The following TCF4 variants were observed in gnomAD, a reference collection of about 807,000 sequenced individuals.
TCF4 encodes SL3-3 enhancer factor 2.
In TCF4, 3 loss-of-function variants were observed where a neutral mutation model predicts 82.1. That is an observed-to-expected ratio of 0.04 (90% CI 0.02 to 0.09). TCF4 has a LOEUF of 0.09. Ranked by LOEUF, TCF4 falls within the 10% of genes least tolerant of loss-of-function variation. TCF4 has a pLI of 1.00. For missense variants in TCF4, 518 were observed against 852.7 expected (o/e 0.61, Z 4.89); for synonymous variants, 276 against 309.6 (o/e 0.89, Z 1.14).
intron 5 of TCF4, chr18:55,403,765 G>A: frequency 6.5e-7 from 1 of 1,532,360 alleles, no homozygotes; most frequent in Non-Finnish European, 8.7e-7. Flanking sequence ...TCATTCCAAT[G>A]GCCTCCACTT....
chr18:55,443,079 G>A (rs1011819744), intron 5 of TCF4, among the ~76,000 whole-genome samples: 7 of 152,210 alleles, frequency 4.6e-5, no homozygotes, highest in Admixed American at 4.6e-4. Flanking sequence ...CCATTGTGAC[G>A]TTTACTATAA....
At chr18:55,509,544 A>G (rs929108922) in intron 3 of TCF4, among the ~76,000 whole-genome samples, 2 of 152,224 alleles carry the variant, frequency 1.3e-5, no homozygotes, top group East Asian at 3.9e-4. Context: ...TGGACTGTTG[A>G]AAGAATGATC....
chr18:55,468,984 T>A, intron 3 of TCF4, among the ~76,000 whole-genome samples: 1 of 150,784 alleles, frequency 6.6e-6, no homozygotes, highest in Middle Eastern at 3.5e-3. Context: ...AAGTAGATGA[T>A]AGAAATTCCT....
intron 5 of TCF4, among the ~76,000 whole-genome samples, chr18:55,411,878 T>A (rs1048193646): frequency 1.3e-5 from 2 of 152,214 alleles, no homozygotes; most frequent in South Asian, 4.1e-4. Flanking sequence ...GTAGCTGGGA[T>A]TACACGCATG....
chr18:55,498,205 G>C (rs1568233099), intron 3 of TCF4, among the ~76,000 whole-genome samples: 1 of 152,174 alleles, frequency 6.6e-6, no homozygotes, highest in Non-Finnish European at 1.5e-5. Context: ...GCCAGGGCTG[G>C]GTCCGGGGTT....
chr18:55,623,285 T>G, intron 2 of TCF4, among the ~76,000 whole-genome samples: 1 of 152,180 alleles, frequency 6.6e-6, no homozygotes, highest in East Asian at 1.9e-4. Context: ...ATTAACACTA[T>G]TAGTTATTTA....
At chr18:55,271,987 CA>C (rs1178224264) in intron 10 of TCF4, among the ~76,000 whole-genome samples, 3 of 151,312 alleles carry the variant, frequency 2.0e-5, no homozygotes, top group East Asian at 1.9e-4. Context: ...GTGCAAAAAT[CA>C]AAAAAAGAGG....
chr18:55,242,872 T>G (rs2051752315), intron 15 of TCF4, among the ~76,000 whole-genome samples: 1 of 152,124 alleles, frequency 6.6e-6, no homozygotes, highest in African/African-American at 2.4e-5. Context: ...CTTCCCAAAG[T>G]GCTGGGATTA....
chr18:55,252,867 A>C lies in TCF4; in HGVS notation c.1350+1630T>G, dbSNP rs920535329. Among the ~76,000 whole-genome samples the C allele has an allele frequency of 2.0e-5, 3 of 151,764 alleles. No homozygotes were observed. In the South Asian group the frequency reaches 6.3e-4, roughly 32 times the overall value. The stretch of plus-strand genomic sequence containing the variant: ...CAGTATGTTTAAACATTGTAGTTAG[A>C]AAAAAAAGAGCTGTACAAACGAAAA... On this transcript the variant is annotated intron_variant, in intron 15 of 19. Transcript: ENST00000354452.
intron 10 of TCF4, among the ~76,000 whole-genome samples, chr18:55,271,764 T>C (rs1227069389): frequency 6.6e-6 from 1 of 152,042 alleles, no homozygotes; most frequent in Non-Finnish European, 1.5e-5. Context: ...AAAAATATAG[T>C]GGGCCCATTC....
In TCF4 at chr18:55,519,877, C is replaced by T. The variant is rs535237002; in HGVS notation, c.146-55740G>A. ...AGTACTCCATAAAAAATATAAAGTA[C>T]GAACTGTGGTTGCTAAATGATTCTA... On this transcript the variant is annotated intron_variant, in intron 3 of 19. Coordinates refer to ENST00000354452, the MANE Select transcript of TCF4 (RefSeq NM_001083962.2). Among the ~76,000 whole-genome samples, 7 of 152,210 alleles carry T rather than the reference C, an allele frequency of 4.6e-5. No individual in the cohort carries two copies. The South Asian group carries it at 8.3e-4, about 18-fold the overall frequency.
At chr18:55,256,886 C>A (rs1003631006) in intron 14 of TCF4, among the ~76,000 whole-genome samples, 1 of 152,058 alleles carries the variant, frequency 6.6e-6, no homozygotes, top group Admixed American at 6.6e-5. Context: ...CGAAGGATAC[C>A]ACTGGGTTTC....
intron 8 of TCF4, among the ~76,000 whole-genome samples, chr18:55,283,059 T>C (rs951488586): frequency 2.0e-5 from 3 of 152,122 alleles, no homozygotes; most frequent in African/African-American, 7.2e-5. Context: ...CGCCATTATC[T>C]CTTCTCTTCT....
intron 3 of TCF4, among the ~76,000 whole-genome samples, chr18:55,508,122 C>T (rs2096784153): frequency 6.6e-6 from 1 of 152,120 alleles, no homozygotes; most frequent in South Asian, 2.1e-4. Flanking sequence ...CCAACACACA[C>T]AATATACCCC....
intron 8 of TCF4, among the ~76,000 whole-genome samples, chr18:55,291,365 T>C (rs1601599145): frequency 3.9e-5 from 6 of 152,172 alleles, no homozygotes; most frequent in African/African-American, 1.4e-4. Flanking sequence ...AACTTAACTC[T>C]GGGTGCTTTA....
intron 3 of TCF4, among the ~76,000 whole-genome samples, chr18:55,556,106 T>G (rs542658106): frequency 2.0e-5 from 3 of 152,248 alleles, no homozygotes; most frequent in Admixed American, 6.5e-5. Flanking sequence ...GCAGATTAAT[T>G]TGTATCATTA....
rs1023119511 is a variant in TCF4, at chr18:55,418,043, G to A, written c.305-14525C>T. ...TGTGTGTGTGTGTGTGTGTGTGTGTGTATCTGTGTGTGTAGTAATAGGTAG... is the reference window on the plus strand; with the variant it reads ...TGTGTGTGTGTGTGTGTGTGTGTGTATATCTGTGTGTGTAGTAATAGGTAG... On this transcript the variant is annotated intron_variant, in intron 5 of 19. Coordinates refer to ENST00000354452, the MANE Select transcript of TCF4 (RefSeq NM_001083962.2). 4.8e-5 allele frequency among the ~76,000 whole-genome samples: 7 copies of A among 145,488 alleles called. No homozygotes were observed. In the East Asian group the frequency reaches 1.4e-3, roughly 30 times the overall value.
chr18:55,373,700 C>A (rs572845822), intron 6 of TCF4, among the ~76,000 whole-genome samples: 1 of 152,064 alleles, frequency 6.6e-6, no homozygotes, highest in South Asian at 2.1e-4. Context: ...GTGATCCCAG[C>A]TACTTGGGAG....
intron 3 of TCF4, among the ~76,000 whole-genome samples, chr18:55,550,042 T>C (rs1308735264): frequency 6.6e-6 from 1 of 152,190 alleles, no homozygotes; most frequent in Non-Finnish European, 1.5e-5. Flanking sequence ...TGAAGGACCA[T>C]TAATGTAGGA....
Sources: gnomAD v4.1 joint callset for allele counts (sites outside exome capture counted in the v4.1 genomes callset) on GRCh38, gnomAD v4.1.1 for gene constraint, MANE v1.5 for transcripts, NCBI Gene and HGNC (gene_info 2026-07-23, HGNC 2026-07-21) for gene names.